BAZ2B: variants seen among roughly 807,000 people sequenced by gnomAD.
BAZ2B encodes the protein bromodomain adjacent to zinc finger domain 2B.
Under a neutral mutation model 246.0 loss-of-function variants are expected in BAZ2B, and 91 were observed. The ratio of observed to expected loss-of-function variants is 0.37; its 90% CI spans 0.31 to 0.44. The LOEUF (loss-of-function observed/expected upper bound fraction) is 0.44, where lower values mean the gene tolerates loss of function less well. Among genes scored for constraint, BAZ2B ranks in the 20% least tolerant of loss-of-function variants. The pLI, the probability that BAZ2B is intolerant of heterozygous loss-of-function variation, is 1.00. For synonymous variants in BAZ2B, 855 were observed against 860.0 expected (o/e 0.99, Z 0.10); for missense variants, 2,332 against 2,533.7 (o/e 0.92, Z 1.71).
chr2:159,351,086 A>C (rs1347944597), intron 27 of BAZ2B, among the ~76,000 whole-genome samples: 1 of 152,130 alleles, frequency 6.6e-6, no homozygotes, highest in Non-Finnish European at 1.5e-5. Context: ...AAATCCAAAA[A>C]TATTAAAAGT....
At chr2:159,603,594 C>T (rs1380292823) in intron 1 of BAZ2B, among the ~76,000 whole-genome samples, 1 of 151,934 alleles carries the variant, frequency 6.6e-6, no homozygotes, top group Non-Finnish European at 1.5e-5. Flanking sequence ...CCTGTATCTT[C>T]ATTCACCCTG....
chr2:159,607,849 A>C (rs1693852134), intron 1 of BAZ2B, among the ~76,000 whole-genome samples: 1 of 152,164 alleles, frequency 6.6e-6, no homozygotes, highest in Non-Finnish European at 1.5e-5. Flanking sequence ...CTCTCCTACT[A>C]TGAACTTCCA....
At chr2:159,567,690 C>T (rs1354204604) in intron 1 of BAZ2B, among the ~76,000 whole-genome samples, 1 of 151,982 alleles carries the variant, frequency 6.6e-6, no homozygotes, top group Non-Finnish European at 1.5e-5. Context: ...ATTTAAAAAT[C>T]AGGCTGGGTG....
At position 159,319,726 on chromosome 2, in the gene BAZ2B, C is replaced by T. The variant is rs1254592299; in HGVS notation, c.*539G>A. ...CATCAGTGTAAACAGTTTAACTTGG[C>T]TTTGTTTTATATTTTAAAACATTCC... is the stretch of plus-strand genomic sequence containing the variant. On this transcript the variant is annotated 3_prime_UTR_variant, in exon 37 of 37. Coordinates refer to ENST00000392783, the MANE Select transcript of BAZ2B (RefSeq NM_013450.4). This position sits in a 1 kb window ranked among gnomAD's most constrained non-coding sequence, Gnocchi z 4.0. 1 of 152,512 alleles carries T rather than the reference C, an allele frequency of 6.6e-6. No homozygotes were observed. Among genetic ancestry groups the T allele is most frequent in the Non-Finnish European group, 1.5e-5 (1 of 68,008 alleles). The allele number at this position is 152,512 out of a possible 1,614,324, so 9.4% of individuals were successfully genotyped here. A position where few individuals can be genotyped will look rare whatever the true frequency, so the allele number is the denominator to read the frequency against.
intron 1 of BAZ2B, among the ~76,000 whole-genome samples, chr2:159,565,934 T>C (rs554780196): frequency 6.6e-6 from 1 of 152,102 alleles, no homozygotes; most frequent in South Asian, 2.1e-4. Flanking sequence ...ATACAACAAA[T>C]AGACAATTAG....
intron 2 of BAZ2B, among the ~76,000 whole-genome samples, chr2:159,483,187 C>A (rs532187234): frequency 6.6e-6 from 1 of 152,030 alleles, no homozygotes; most frequent in Non-Finnish European, 1.5e-5. Flanking sequence ...ATTATAGTTT[C>A]TAATGTATAA....
chr2:159,576,507 G>A (rs1685324764), intron 1 of BAZ2B, among the ~76,000 whole-genome samples: 1 of 147,632 alleles, frequency 6.8e-6, no homozygotes, highest in African/African-American at 2.5e-5. Flanking sequence ...TTATCATCAT[G>A]CACCAATCAG....
intron 1 of BAZ2B, among the ~76,000 whole-genome samples, chr2:159,600,139 G>C (rs1215225357): frequency 6.6e-6 from 1 of 152,038 alleles, no homozygotes; most frequent in Admixed American, 6.5e-5. Context: ...TTTAGTAGTT[G>C]TACATAGTGC....
At chr2:159,536,787 A>T (rs2086050754) in intron 2 of BAZ2B, among the ~76,000 whole-genome samples, 1 of 152,216 alleles carries the variant, frequency 6.6e-6, no homozygotes, top group Non-Finnish European at 1.5e-5. Flanking sequence ...TATAATAACC[A>T]AAGTGGATAC....
chr2:159,446,885 C>T lies in BAZ2B; in HGVS notation c.593G>A (p.Gly198Glu). The change falls in exon 6 of 37, where the codon GGA becomes GAA. Residue 198 changes from glycine (G) to glutamate (E), a missense_variant. This residue lies in a region of BAZ2B where 242 missense variants were observed against 237.4 expected (regional missense o/e 1.02). Coordinates refer to ENST00000392783, the MANE Select transcript of BAZ2B (RefSeq NM_013450.4). Reference protein sequence around the residue: ...VLSTTASSSMGQTKSTSSGGG... With the variant: ...VLSTTASSSMEQTKSTSSGGG... The stretch of plus-strand genomic sequence containing the variant: ...ACCTGAGCTTGTACTTTTAGTTTGT[C>T]CCATGGAACTTGAAGCAGTAGTGGA... The T allele has an allele frequency of 6.2e-7, 1 of 1,613,626 alleles. No individual in the cohort carries two copies. Among genetic ancestry groups the T allele is most frequent in the Non-Finnish European group, 8.5e-7 (1 of 1,179,806 alleles).
At chr2:159,685,952 T>C in the BAZ2B span, among the ~76,000 whole-genome samples, 2 of 152,022 alleles carry the variant, frequency 1.3e-5, no homozygotes, top group South Asian at 2.1e-4. Flanking sequence ...ACAAGAAAAA[T>C]TGGAATTTAA....
chr2:159,689,788 AT>A, the BAZ2B span: 1 of 506,668 alleles, frequency 2.0e-6, no homozygotes, highest in South Asian at 2.3e-5. Context: ...CTTTCAAGTC[AT>A]TTGTCTGCAC....
At chr2:159,445,789 C>T (rs1418003088) in intron 6 of BAZ2B, among the ~76,000 whole-genome samples, 6 of 151,998 alleles carry the variant, frequency 3.9e-5, no homozygotes, top group African/African-American at 7.2e-5. Context: ...GCAGCCACAG[C>T]GTAAGAAAAA....
At chr2:159,525,256 G>T (rs2084606485) in intron 2 of BAZ2B, among the ~76,000 whole-genome samples, 1 of 152,200 alleles carries the variant, frequency 6.6e-6, no homozygotes. Context: ...AGGATCAAAA[G>T]CTGAAAAGCA....
At chr2:159,410,856 A>C (rs528443815) in intron 14 of BAZ2B, among the ~76,000 whole-genome samples, 1 of 152,132 alleles carries the variant, frequency 6.6e-6, no homozygotes, top group South Asian at 2.1e-4. Flanking sequence ...TATGATAGTG[A>C]AGATCTAGAA....
At chr2:159,373,732 G>A (rs1284764722) in intron 26 of BAZ2B, among the ~76,000 whole-genome samples, 1 of 152,200 alleles carries the variant, frequency 6.6e-6, no homozygotes. Context: ...CAGGGAGGCT[G>A]AGGTGGGAGG....
At chr2:159,497,870 A>G (rs1442873489) in intron 2 of BAZ2B, among the ~76,000 whole-genome samples, 2 of 152,184 alleles carry the variant, frequency 1.3e-5, no homozygotes, top group African/African-American at 4.8e-5. Flanking sequence ...CCACTGAGAC[A>G]TATTCTGGTT....
intron 3 of BAZ2B, chr2:159,462,960 T>C: frequency 9.5e-7 from 1 of 1,053,238 alleles, no homozygotes; most frequent in Non-Finnish European, 1.5e-6. Context: ...CTATAAGTGA[T>C]CAAATGTAAA....
At chr2:159,515,214 T>C (rs1388813621) in intron 2 of BAZ2B, among the ~76,000 whole-genome samples, 2 of 151,994 alleles carry the variant, frequency 1.3e-5, no homozygotes, top group Non-Finnish European at 2.9e-5. Context: ...TATATGTCCA[T>C]AATACATATA....
Sources: allele counts gnomAD v4.1 joint callset (sites outside exome capture counted in the v4.1 genomes callset), GRCh38; gene constraint gnomAD v4.1.1; regional missense constraint gnomAD v4.1.1; non-coding constraint Gnocchi (gnomAD v3.1); transcripts MANE v1.5; gene names NCBI Gene and HGNC (gene_info 2026-07-23, HGNC 2026-07-21).